ASAP2: variants seen among roughly 807,000 people sequenced by gnomAD.
ASAP2 encodes arf-GAP with SH3 domain, ANK repeat and PH domain-containing protein 2.
Under a neutral mutation model 131.4 loss-of-function variants are expected in ASAP2, and 45 were observed. The ratio of observed to expected loss-of-function variants is 0.34; its 90% CI spans 0.27 to 0.44. ASAP2 has a LOEUF of 0.44. ASAP2 is among the 20% of genes least tolerant of loss of function. The probability of loss-of-function intolerance (pLI) is 1.00; values close to 1 mark genes in which losing one functional copy is unlikely to be tolerated. For missense variants in ASAP2, 1,011 were observed against 1,297.0 expected, an observed-to-expected ratio of 0.78 and a Z score of 3.39; for synonymous variants, 510 against 503.0, an observed-to-expected ratio of 1.01 and a Z score of -0.19.
At chr2:9,296,548 A>G (rs1417307297) in intron 2 of ASAP2, among the ~76,000 whole-genome samples, 1 of 152,274 alleles carries the variant, frequency 6.6e-6, no homozygotes, top group African/African-American at 2.4e-5. Flanking sequence ...TTTTCTGCTC[A>G]AACAACATGT....
At chr2:9,364,503 T>A (rs943218780) in intron 15 of ASAP2, among the ~76,000 whole-genome samples, 5 of 152,154 alleles carry the variant, frequency 3.3e-5, no homozygotes, top group Admixed American at 3.3e-4. Flanking sequence ...AGACCCTGTC[T>A]CAAAACAAAA....
chr2:9,237,813 T>C (rs189209780), intron 1 of ASAP2, among the ~76,000 whole-genome samples: 2 of 152,254 alleles, frequency 1.3e-5, no homozygotes, highest in South Asian at 2.1e-4. Flanking sequence ...GGTGCCCATG[T>C]TTCTTCTTTT....
At chr2:9,371,515 A>G (rs1042300943) in intron 16 of ASAP2, among the ~76,000 whole-genome samples, 2 of 152,208 alleles carry the variant, frequency 1.3e-5, no homozygotes, top group African/African-American at 2.4e-5. Context: ...AAAGGAATAC[A>G]CTGCTTCTAG....
In ASAP2 at chr2:9,403,529, A is replaced by G; in HGVS notation, c.*202A>G. 2 of 537,390 alleles carry G rather than the reference A, an allele frequency of 3.7e-6. No homozygotes were observed. Among genetic ancestry groups the G allele is most frequent in the South Asian group, 5.5e-5 (2 of 36,256 alleles). The allele number at this position is 537,390 out of a possible 1,614,324, so 33.3% of individuals were successfully genotyped here. A position where few individuals can be genotyped will look rare whatever the true frequency, so the allele number is the denominator to read the frequency against. ...TTTGTGGTTTTCATGAAACATTGCT[A>G]TGCATTTATTAGGAAAAACTGAATT... On this transcript the variant is annotated 3_prime_UTR_variant, in exon 28 of 28. Coordinates refer to ENST00000281419, the MANE Select transcript of ASAP2 (RefSeq NM_003887.3).
intron 16 of ASAP2, among the ~76,000 whole-genome samples, chr2:9,371,971 ACCT>A (rs777045567): frequency 2.6e-5 from 4 of 152,042 alleles, no homozygotes; most frequent in Non-Finnish European, 4.4e-5. Context: ...AGCAAAGCAA[ACCT>A]CCTTCACAAA....
chr2:9,292,398 G>A (rs1667872115), intron 2 of ASAP2, among the ~76,000 whole-genome samples: 1 of 152,084 alleles, frequency 6.6e-6, no homozygotes, highest in Admixed American at 6.5e-5. Context: ...TGCGCCTGTA[G>A]TCTCAGCTAC....
chr2:9,235,444 A>G (rs79069313), intron 1 of ASAP2, among the ~76,000 whole-genome samples: 3,251 of 152,266 alleles, frequency 0.021, 94 homozygotes, highest in Admixed American at 0.085. Context: ...TTTCACTCGC[A>G]GAGTTCAGAT....
chr2:9,328,283 A>G (rs1670604581), intron 7 of ASAP2, among the ~76,000 whole-genome samples: 1 of 152,232 alleles, frequency 6.6e-6, no homozygotes. Context: ...TAATGATTGC[A>G]CAACTTTGTG....
intron 1 of ASAP2, among the ~76,000 whole-genome samples, chr2:9,209,152 C>T (rs1158527024): frequency 6.6e-6 from 1 of 152,162 alleles, no homozygotes; most frequent in South Asian, 2.1e-4. Context: ...CTTCATGCTG[C>T]CGTCTAAGCC....
rs551626883 is a variant in ASAP2 at position 9,395,859 on chromosome 2, G to A, written c.2684+2212G>A. Reference sequence around the variant, plus strand: ...CCTGACCTCGTGATCTGCCCTCCTCGGCCTCCCAAAGTGCTGGGATTACAG... The same window carrying A: ...CCTGACCTCGTGATCTGCCCTCCTCAGCCTCCCAAAGTGCTGGGATTACAG... On this transcript the variant is annotated intron_variant, in intron 24 of 27. Coordinates refer to ENST00000281419, the MANE Select transcript of ASAP2 (RefSeq NM_003887.3). Among the ~76,000 whole-genome samples the A allele has an allele frequency of 3.3e-5, 5 of 151,850 alleles. No homozygotes were observed. In the East Asian group the frequency reaches 9.7e-4, roughly 30 times the overall value.
intron 1 of ASAP2, chr2:9,271,294 A>G (rs975326161): frequency 1.5e-5 from 12 of 817,320 alleles, no homozygotes; most frequent in South Asian, 2.8e-5. Context: ...TTTAAACCCC[A>G]TGAATCTTCA....
rs558280081 is a variant in ASAP2 at position 9,219,463 on chromosome 2, A to G, written c.126+12233A>G. Among the ~76,000 whole-genome samples the G allele has an allele frequency of 4.6e-5, 7 of 152,318 alleles. No homozygotes were observed. In the South Asian group the frequency reaches 6.2e-4, roughly 14 times the overall value. ...AGATGTTCTCTGACCATCCTCCCTG[A>G]CCTAAAAATTCCATAGTTCTTTGTA... is the stretch of plus-strand genomic sequence containing the variant. On this transcript the variant is annotated intron_variant, in intron 1 of 27. Transcript: ENST00000281419.
chr2:9,384,918 G>A (rs182711083), intron 20 of ASAP2, among the ~76,000 whole-genome samples: 2 of 152,386 alleles, frequency 1.3e-5, no homozygotes, highest in South Asian at 2.1e-4. Context: ...CTTGGGGCAG[G>A]AGAAGTTCAG....
At chr2:9,282,717 T>G (rs1343303699) in intron 2 of ASAP2, among the ~76,000 whole-genome samples, 1 of 152,242 alleles carries the variant, frequency 6.6e-6, no homozygotes, top group East Asian at 1.9e-4. Flanking sequence ...GAAAGAACAG[T>G]GAGAATAAAT....
intron 1 of ASAP2, among the ~76,000 whole-genome samples, chr2:9,225,566 C>A (rs1437180564): frequency 6.6e-6 from 1 of 152,132 alleles, no homozygotes. Flanking sequence ...TTATGGAGGG[C>A]TGAGCATGTC....
rs70948810 is a variant in ASAP2 at position 9,234,110 on chromosome 2, CAA to C, written c.126+26900_126+26901del. 6.4e-3 allele frequency among the ~76,000 whole-genome samples: 493 copies of C among 76,568 alleles called. 2 individuals carry two copies. Among genetic ancestry groups the C allele is most frequent in the African/African-American group, 0.014 (267 of 19,254 alleles). The allele number at this position is 76,568 out of a possible 152,430, so 50.2% of individuals were successfully genotyped here. The stretch of plus-strand genomic sequence containing the variant: ...TGGGTGACAGAGCGAAGCTATGTCT[CAA>C]AAAAAAAAAAAAAAAAAAAGGAAGA... On this transcript the variant is annotated intron_variant, in intron 1 of 27. Coordinates refer to ENST00000281419, the MANE Select transcript of ASAP2 (RefSeq NM_003887.3).
At chr2:9,218,835 T>C (rs1043240078) in intron 1 of ASAP2, among the ~76,000 whole-genome samples, 1 of 152,234 alleles carries the variant, frequency 6.6e-6, no homozygotes, top group Non-Finnish European at 1.5e-5. Context: ...CTTGACTATT[T>C]ATATTTATAC....
chr2:9,327,704 A>G (rs1473712740), intron 6 of ASAP2, 122 bp from the exon 7 acceptor site: 4 of 653,760 alleles, frequency 6.1e-6, no homozygotes, highest in East Asian at 3.2e-5. Flanking sequence ...AGTGTCGATC[A>G]TGCACTCTAC....
chr2:9,265,557 T>C (rs1045180553), intron 1 of ASAP2, among the ~76,000 whole-genome samples: 8 of 152,254 alleles, frequency 5.3e-5, no homozygotes, highest in Admixed American at 2.6e-4. Flanking sequence ...ATGTTAATGA[T>C]AGTTTAAAAG....
Sources: allele counts gnomAD v4.1 joint callset (sites outside exome capture counted in the v4.1 genomes callset), GRCh38; gene constraint gnomAD v4.1.1; transcripts MANE v1.5; gene names NCBI Gene and HGNC (gene_info 2026-07-23, HGNC 2026-07-21).